Variants in LRP1B observed in about 807,000 individuals in gnomAD.
The protein encoded by LRP1B is LDL receptor related protein 1B.
LRP1B carries 217 observed loss-of-function variants against 556.6 expected under a neutral mutation model. The observed-to-expected ratio is 0.39, with a 90% CI of 0.35 to 0.44. LRP1B has a LOEUF of 0.44. Ranked by LOEUF, LRP1B falls within the 20% of genes least tolerant of loss-of-function variation. LRP1B has a pLI of 1.00. For missense variants in LRP1B, 5,053 were observed against 5,620.8 expected (o/e 0.90, Z 3.23); for synonymous variants, 2,047 against 1,865.8 (o/e 1.10, Z -2.50).
At chr2:141,285,874 G>A (rs113887023) in intron 3 of LRP1B, among the ~76,000 whole-genome samples, 17,100 of 148,992 alleles carry the variant, frequency 0.11, 1,139 homozygotes, top group Admixed American at 0.18. Context: ...AGACCATCCC[G>A]GCTACAACGG....
At chr2:140,464,683 G>A (rs1327758026) in intron 60 of LRP1B, among the ~76,000 whole-genome samples, 2 of 152,210 alleles carry the variant, frequency 1.3e-5, no homozygotes, top group African/African-American at 4.8e-5. Flanking sequence ...CATTGTGCTA[G>A]TGATAAATCC....
intron 2 of LRP1B, among the ~76,000 whole-genome samples, chr2:141,793,231 T>A (rs1350918084): frequency 5.3e-5 from 8 of 152,026 alleles, no homozygotes; most frequent in Non-Finnish European, 7.4e-5. Context: ...TTTGCTTTTT[T>A]AAAATAGTGT....
At chr2:140,844,634 C>A (rs1692221098) in intron 29 of LRP1B, among the ~76,000 whole-genome samples, 1 of 151,916 alleles carries the variant, frequency 6.6e-6, no homozygotes, top group Admixed American at 6.6e-5. Flanking sequence ...TTAAGTAAAT[C>A]AGAACAAGAT....
At chr2:140,636,792 T>C (rs1205530028) in intron 41 of LRP1B, among the ~76,000 whole-genome samples, 2 of 152,148 alleles carry the variant, frequency 1.3e-5, no homozygotes, top group African/African-American at 4.8e-5. Context: ...GAAGCTAAAG[T>C]TCTTGAAGTC....
intron 2 of LRP1B, among the ~76,000 whole-genome samples, chr2:141,549,961 C>T (rs983484760): frequency 1.3e-4 from 20 of 152,294 alleles, no homozygotes; most frequent in Non-Finnish European, 2.5e-4. Context: ...CGCCACTGCG[C>T]TCCAGACTGG....
At chr2:140,926,225 C>T (rs1055241561) in intron 20 of LRP1B, among the ~76,000 whole-genome samples, 2 of 151,896 alleles carry the variant, frequency 1.3e-5, no homozygotes, top group Non-Finnish European at 2.9e-5. Context: ...AAGAGGATAA[C>T]GATTCTCTAA....
intron 47 of LRP1B, among the ~76,000 whole-genome samples, 155 bp from the exon 48 acceptor site, chr2:140,526,505 C>T (rs540074247): frequency 1.3e-5 from 2 of 151,792 alleles, no homozygotes; most frequent in African/African-American, 2.4e-5. Context: ...CACCTTCAAG[C>T]GTGGGTTAGA....
At chr2:141,038,269 A>T (rs1174947022) in intron 11 of LRP1B, among the ~76,000 whole-genome samples, 1 of 152,094 alleles carries the variant, frequency 6.6e-6, no homozygotes, top group East Asian at 1.9e-4. Flanking sequence ...AACAAGTAAG[A>T]TTTGATGACA....
intron 77 of LRP1B, among the ~76,000 whole-genome samples, chr2:140,350,409 G>T (rs572725732): frequency 3.9e-5 from 6 of 151,942 alleles, no homozygotes; most frequent in African/African-American, 7.2e-5. Flanking sequence ...TGTAAGAAGA[G>T]AAATAGTTAT....
At chr2:141,465,122 A>G (rs1682131179) in intron 3 of LRP1B, among the ~76,000 whole-genome samples, 1 of 151,646 alleles carries the variant, frequency 6.6e-6, no homozygotes. Context: ...GAAAGTATAC[A>G]CATTGACAAA....
In LRP1B at chr2:141,340,055, C is replaced by A. The variant is rs1330478902; in HGVS notation, c.344-85414G>T. Among the ~76,000 whole-genome samples, 5 of 152,276 alleles carry A rather than the reference C, an allele frequency of 3.3e-5. No homozygotes were observed. The East Asian group carries it at 5.8e-4, about 18-fold the overall frequency. On this transcript the variant is annotated intron_variant, in intron 3 of 90. Coordinates refer to ENST00000389484, the MANE Select transcript of LRP1B (RefSeq NM_018557.3). ...CATAGTTTAACGGCAAGAAATAACT[C>A]CAATATAAAGCTTCTCACACCTCTA...
At chr2:141,788,874 T>C (rs1457313113) in intron 2 of LRP1B, among the ~76,000 whole-genome samples, 2 of 152,104 alleles carry the variant, frequency 1.3e-5, no homozygotes, top group Non-Finnish European at 2.9e-5. Flanking sequence ...GAACTTATCA[T>C]TTTTTATGGC....
At chr2:141,913,460 G>C (rs1369567300) in intron 1 of LRP1B, among the ~76,000 whole-genome samples, 2 of 152,126 alleles carry the variant, frequency 1.3e-5, no homozygotes, top group South Asian at 2.1e-4. Flanking sequence ...AAAATGGTGA[G>C]TTTGGGCCAG....
At chr2:141,029,514 T>C (rs1698307634) in intron 11 of LRP1B, among the ~76,000 whole-genome samples, 2 of 152,258 alleles carry the variant, frequency 1.3e-5, no homozygotes, top group South Asian at 4.1e-4. Flanking sequence ...GCTGTGTAAC[T>C]GCTAGCTCCA....
chr2:141,193,989 T>TC (rs1681637113), intron 6 of LRP1B, among the ~76,000 whole-genome samples: 2 of 152,190 alleles, frequency 1.3e-5, no homozygotes, highest in South Asian at 4.1e-4. Context: ...AAATACTTTT[T>TC]CTCCAATAGA....
intron 3 of LRP1B, among the ~76,000 whole-genome samples, chr2:141,421,401 C>T (rs1400108659): frequency 3.3e-5 from 5 of 150,308 alleles, no homozygotes; most frequent in Admixed American, 2.6e-4. Flanking sequence ...TAGTGGCGGG[C>T]GCCTGTAGTC....
chr2:141,328,460 C>G (rs1687513055), intron 3 of LRP1B, among the ~76,000 whole-genome samples: 1 of 152,182 alleles, frequency 6.6e-6, no homozygotes, highest in African/African-American at 2.4e-5. Flanking sequence ...CATGCTCAAT[C>G]CTTCCACAGG....
intron 1 of LRP1B, among the ~76,000 whole-genome samples, chr2:142,081,634 TTTTA>T (rs1476694684): frequency 6.6e-6 from 1 of 152,148 alleles, no homozygotes; most frequent in African/African-American, 2.4e-5. Context: ...CTATGACCTA[TTTTA>T]TTTATTTATG....
At chr2:141,786,434 G>A (rs548198078) in intron 2 of LRP1B, among the ~76,000 whole-genome samples, 16 of 151,992 alleles carry the variant, frequency 1.1e-4, no homozygotes, top group East Asian at 3.9e-4. Context: ...TTTGAAAGCC[G>A]AAAACCAATT....
Sources: allele counts gnomAD v4.1 joint callset (sites outside exome capture counted in the v4.1 genomes callset), GRCh38; gene constraint gnomAD v4.1.1; transcripts MANE v1.5; gene names NCBI Gene and HGNC (gene_info 2026-07-23, HGNC 2026-07-21).